DPP10: variants seen among roughly 807,000 people sequenced by gnomAD.
The protein encoded by DPP10 is dipeptidyl peptidase like 10, also known as inactive dipeptidyl peptidase 10.
DPP10 carries 33 observed loss-of-function variants against 120.9 expected under a neutral mutation model. That is an observed-to-expected ratio of 0.27 (90% CI 0.21 to 0.37). DPP10 has a LOEUF of 0.37. DPP10 is among the 10% of genes least tolerant of loss of function. The probability of loss-of-function intolerance (pLI) is 1.00; values close to 1 mark genes in which losing one functional copy is unlikely to be tolerated. For synonymous variants in DPP10, 337 were observed against 326.1 expected (o/e 1.03, Z -0.36); for missense variants, 816 against 942.8 (o/e 0.87, Z 1.76).
rs539545412 is a variant in DPP10, at chr2:114,705,057, T to C, written c.60+262219T>C. ...GCCTCCAGAATCTTGAAAAATGTAA[T>C]TTATGCTGTTTAAGTCACCCAGTAT... is the stretch of plus-strand genomic sequence containing the variant. On this transcript the variant is annotated intron_variant, in intron 1 of 25. Transcript: ENST00000410059. 3.3e-5 allele frequency among the ~76,000 whole-genome samples: 5 copies of C among 152,252 alleles called. No homozygotes were observed. The South Asian group carries it at 8.3e-4, about 25-fold the overall frequency.
rs549504061 is a variant in DPP10, at chr2:115,129,343, G to T, written c.61-179896G>T. Among the ~76,000 whole-genome samples, 204 of 152,258 alleles carry T rather than the reference G, an allele frequency of 1.3e-3. 2 individuals are homozygous for T. Among genetic ancestry groups the T allele is most frequent in the African/African-American group, 4.6e-3 (192 of 41,550 alleles). ...AAGACAAGTTGAAAATCCTTCATGA[G>T]GATGCAATCCACGGAAATATGAGAG... On this transcript the variant is annotated intron_variant, in intron 1 of 25. Coordinates refer to ENST00000410059, the MANE Select transcript of DPP10 (RefSeq NM_020868.6).
chr2:115,516,812 G>A (rs1206025586), intron 4 of DPP10, among the ~76,000 whole-genome samples: 2 of 151,848 alleles, frequency 1.3e-5, no homozygotes, highest in Non-Finnish European at 1.5e-5. Flanking sequence ...CAAATCAATT[G>A]AAAATGAACA....
rs150074555 is a variant in DPP10, at chr2:115,259,951, T to A, written c.61-49288T>A. Among the ~76,000 whole-genome samples, 1,513 of 151,880 alleles carry A rather than the reference T, an allele frequency of 1.0e-2. 11 individuals carry two copies. Among genetic ancestry groups the A allele is most frequent in the Non-Finnish European group, 0.015 (1,044 of 67,916 alleles). On this transcript the variant is annotated intron_variant, in intron 1 of 25. Coordinates refer to ENST00000410059, the MANE Select transcript of DPP10 (RefSeq NM_020868.6). ...TCGTTATAGGTCAGTCGGTCATATG[T>A]TTCTTTTTATTTATAATTTAAAATA...
intron 3 of DPP10, among the ~76,000 whole-genome samples, chr2:115,419,308 G>T (rs1428615175): frequency 6.6e-6 from 1 of 152,130 alleles, no homozygotes. Flanking sequence ...TCCTGGTTCC[G>T]CAGACTGTAC....
At chr2:115,161,187 C>T (rs2052297014) in intron 1 of DPP10, 1 of 152,390 alleles carries the variant, frequency 6.6e-6, no homozygotes, top group African/African-American at 2.4e-5. Flanking sequence ...AGGACGCCCG[C>T]TGCCCCGGAT....
At chr2:115,549,863 G>T (rs2079765683) in intron 5 of DPP10, among the ~76,000 whole-genome samples, 2 of 152,052 alleles carry the variant, frequency 1.3e-5, no homozygotes, top group Middle Eastern at 3.2e-3. Flanking sequence ...AACATTTGAT[G>T]GAATGCATTT....
At chr2:115,711,117 GC>G (rs2092299782) in intron 7 of DPP10, among the ~76,000 whole-genome samples, 1 of 152,136 alleles carries the variant, frequency 6.6e-6, no homozygotes, top group South Asian at 2.1e-4. Context: ...ACAATAGCAT[GC>G]AGATAAAGCT....
At chr2:115,280,426 T>TA (rs1215065494) in intron 1 of DPP10, among the ~76,000 whole-genome samples, 1 of 152,176 alleles carries the variant, frequency 6.6e-6, no homozygotes, top group African/African-American at 2.4e-5. Context: ...TCCGGAATTA[T>TA]AAGTCCTGAG....
chr2:115,083,587 T>A lies in DPP10; in HGVS notation c.61-225652T>A, dbSNP rs188752681. ...CTTCCTTCTCTCTCTTTTGAAACAT[T>A]ATGATCGTTTCTTGACTAGTATCCT... On this transcript the variant is annotated intron_variant, in intron 1 of 25. Coordinates refer to ENST00000410059, the MANE Select transcript of DPP10 (RefSeq NM_020868.6). Among the ~76,000 whole-genome samples, 216 of 152,342 alleles carry A rather than the reference T, an allele frequency of 1.4e-3. 1 individual carries two copies. Among genetic ancestry groups the A allele is most frequent in the Admixed American group, 4.9e-3 (75 of 15,310 alleles).
chr2:115,169,552 T>A (rs72837554), intron 1 of DPP10, among the ~76,000 whole-genome samples: 18,903 of 152,102 alleles, frequency 0.12, 1,351 homozygotes, highest in African/African-American at 0.17. Flanking sequence ...TTTCTACTAT[T>A]TTTAGATGAA....
At chr2:115,556,812 C>T (rs2080246098) in intron 5 of DPP10, among the ~76,000 whole-genome samples, 1 of 152,042 alleles carries the variant, frequency 6.6e-6, no homozygotes, top group East Asian at 1.9e-4. Flanking sequence ...CTGAAAACGG[C>T]CAAAAACTGA....
intron 3 of DPP10, among the ~76,000 whole-genome samples, chr2:115,385,075 C>T (rs2066817446): frequency 6.6e-6 from 1 of 152,202 alleles, no homozygotes; most frequent in Admixed American, 6.5e-5. Flanking sequence ...GAGATCTCCC[C>T]AGCCGTCTGT....
At chr2:115,805,043 G>T (rs1257502116) in intron 19 of DPP10, among the ~76,000 whole-genome samples, 1 of 152,206 alleles carries the variant, frequency 6.6e-6, no homozygotes, top group Admixed American at 6.5e-5. Flanking sequence ...AGCCTACAGA[G>T]GCAGGCAGGC....
intron 10 of DPP10, chr2:115,750,305 G>A (rs1678540241): frequency 3.2e-6 from 2 of 615,948 alleles, no homozygotes; most frequent in African/African-American, 2.0e-5. Flanking sequence ...CTGGGGCAAG[G>A]AAAGAAAGGA....
At chr2:115,280,004 C>G (rs1357582122) in intron 1 of DPP10, among the ~76,000 whole-genome samples, 1 of 151,902 alleles carries the variant, frequency 6.6e-6, no homozygotes, top group Non-Finnish European at 1.5e-5. Context: ...ACTGTTATGC[C>G]CAGTGGGAGA....
chr2:115,512,517 A>G (rs993027232), intron 4 of DPP10, among the ~76,000 whole-genome samples: 1 of 151,390 alleles, frequency 6.6e-6, no homozygotes, highest in African/African-American at 2.4e-5. Flanking sequence ...CGTTCCTAAT[A>G]TAGATTTTTA....
intron 1 of DPP10, among the ~76,000 whole-genome samples, chr2:114,857,789 C>G (rs1488107222): frequency 6.6e-6 from 1 of 152,070 alleles, no homozygotes; most frequent in African/African-American, 2.4e-5. Context: ...CATAAAGGAA[C>G]TTGGAGGTAA....
At chr2:115,304,288 A>G (rs1285926384) in intron 1 of DPP10, among the ~76,000 whole-genome samples, 2 of 152,142 alleles carry the variant, frequency 1.3e-5, no homozygotes, top group East Asian at 1.9e-4. Context: ...GCAAGTCAAT[A>G]TAGGGAAGGG....
At chr2:115,649,381 A>T (rs2087553259) in intron 5 of DPP10, among the ~76,000 whole-genome samples, 1 of 151,912 alleles carries the variant, frequency 6.6e-6, no homozygotes, top group African/African-American at 2.4e-5. Flanking sequence ...TTAACATTAA[A>T]CTCGTGAAAT....
Sources: allele counts gnomAD v4.1 joint callset (sites outside exome capture counted in the v4.1 genomes callset), GRCh38; gene constraint gnomAD v4.1.1; transcripts MANE v1.5; gene names NCBI Gene and HGNC (gene_info 2026-07-23, HGNC 2026-07-21).